The following CPQ variants were observed in gnomAD, a reference collection of about 807,000 sequenced individuals.
The protein encoded by CPQ is carboxypeptidase Q, also known as Ser-Met dipeptidase.
In CPQ, 37 loss-of-function variants were observed where a neutral mutation model predicts 45.7. The ratio of observed to expected loss-of-function variants is 0.81; its 90% confidence interval spans 0.62 to 1.07. The LOEUF is 1.07. CPQ is among the 50% of genes least tolerant of loss of function. The pLI is 0.00. For missense variants in CPQ, 537 were observed against 572.9 expected (o/e 0.94, Z 0.64); for synonymous variants, 186 against 205.8 (o/e 0.90, Z 0.82).
chr8:96,827,526 T>C (rs1811395837), intron 2 of CPQ, among the ~76,000 whole-genome samples: 1 of 152,146 alleles, frequency 6.6e-6, no homozygotes, highest in Admixed American at 6.6e-5. Context: ...GTTTTATTCC[T>C]GGTAATTTGG....
chr8:96,891,817 C>T (rs1812381159), intron 4 of CPQ, among the ~76,000 whole-genome samples: 1 of 152,164 alleles, frequency 6.6e-6, no homozygotes, highest in South Asian at 2.1e-4. Context: ...GTAAGTGCCA[C>T]AGTATGGCAG....
At chr8:96,897,430 G>A (rs1049599894) in intron 4 of CPQ, among the ~76,000 whole-genome samples, 3 of 152,060 alleles carry the variant, frequency 2.0e-5, no homozygotes, top group Admixed American at 6.6e-5. Flanking sequence ...AGAAGAACAC[G>A]TGTTGAGCCC....
chr8:96,862,284 T>TTG (rs34611818), intron 3 of CPQ, among the ~76,000 whole-genome samples: 9,371 of 141,112 alleles, frequency 0.066, 301 homozygotes, highest in South Asian at 0.089. Flanking sequence ...ATTTTTGCAT[T>TTG]TGTGTGTGTG....
chr8:96,949,034 G>A (rs1813226760), intron 4 of CPQ, among the ~76,000 whole-genome samples: 2 of 151,988 alleles, frequency 1.3e-5, no homozygotes, highest in Non-Finnish European at 2.9e-5. Flanking sequence ...GTCTCACTAA[G>A]TCTAAAGTGA....
intron 6 of CPQ, among the ~76,000 whole-genome samples, chr8:97,032,187 CA>C (rs1809918541): frequency 6.6e-6 from 1 of 152,162 alleles, no homozygotes; most frequent in African/African-American, 2.4e-5. Context: ...AATAATAGGT[CA>C]AATTTCAATG....
chr8:96,972,481 C>T lies in CPQ; in HGVS notation c.961+6435C>T, dbSNP rs529116237. On this transcript the variant is annotated intron_variant, in intron 5 of 7. Coordinates refer to ENST00000220763, the MANE Select transcript of CPQ (RefSeq NM_016134.4). ...TTGGGAGCTCTATGGCCCTACCTAT[C>T]ACCTGAGAAACCACTTAACCAAGTG... Among the ~76,000 whole-genome samples the T allele has an allele frequency of 9.9e-5, 15 of 152,274 alleles. No homozygotes were observed. The South Asian group carries it at 2.9e-3, about 29-fold the overall frequency.
At chr8:96,814,530 T>A (rs1157212237) in intron 2 of CPQ, among the ~76,000 whole-genome samples, 2 of 152,204 alleles carry the variant, frequency 1.3e-5, no homozygotes, top group Non-Finnish European at 2.9e-5. Flanking sequence ...AGAGCTAATA[T>A]ATGAAATATA....
At chr8:96,945,538 C>T (rs1429281132) in intron 4 of CPQ, among the ~76,000 whole-genome samples, 2 of 152,080 alleles carry the variant, frequency 1.3e-5, no homozygotes, top group African/African-American at 2.4e-5. Context: ...CAAAGCACTC[C>T]ATGCCATACA....
At chr8:97,080,229 T>C (rs1810921124) in intron 7 of CPQ, among the ~76,000 whole-genome samples, 1 of 152,204 alleles carries the variant, frequency 6.6e-6, no homozygotes, top group African/African-American at 2.4e-5. Context: ...TAGCATTGCA[T>C]TGCGATTGGC....
intron 1 of CPQ, among the ~76,000 whole-genome samples, chr8:96,730,600 C>A (rs887301648): frequency 6.6e-6 from 1 of 151,820 alleles, no homozygotes; most frequent in African/African-American, 2.4e-5. Context: ...CCTATAAAAT[C>A]TTTTATGATC....
intron 6 of CPQ, among the ~76,000 whole-genome samples, chr8:97,061,415 AG>A (rs1018634554): frequency 1.3e-5 from 2 of 152,122 alleles, no homozygotes; most frequent in African/African-American, 4.8e-5. Flanking sequence ...ATTAAAAGTG[AG>A]GACTTGTGGC....
At chr8:97,125,183 T>C (rs1048915797) in intron 7 of CPQ, among the ~76,000 whole-genome samples, 1 of 152,086 alleles carries the variant, frequency 6.6e-6, no homozygotes, top group African/African-American at 2.4e-5. Flanking sequence ...AAATTGCTAA[T>C]ACTGATTCAA....
At chr8:97,113,199 A>G (rs866357181) in intron 7 of CPQ, among the ~76,000 whole-genome samples, 1 of 152,154 alleles carries the variant, frequency 6.6e-6, no homozygotes, top group Non-Finnish European at 1.5e-5. Context: ...CAGATGATCA[A>G]GCAGGTCCAG....
intron 2 of CPQ, among the ~76,000 whole-genome samples, chr8:96,793,081 G>T (rs1810871571): frequency 1.3e-5 from 2 of 151,960 alleles, no homozygotes; most frequent in Non-Finnish European, 2.9e-5. Flanking sequence ...TAAGATTTGG[G>T]TGGGACACAG....
intron 7 of CPQ, among the ~76,000 whole-genome samples, chr8:97,103,616 G>T (rs1370602315): frequency 6.6e-6 from 1 of 152,160 alleles, no homozygotes; most frequent in African/African-American, 2.4e-5. Flanking sequence ...TGATTGCATT[G>T]GGTGCATTCC....
intron 7 of CPQ, among the ~76,000 whole-genome samples, chr8:97,123,232 AAAAT>A (rs1489075797): frequency 4.7e-4 from 68 of 144,460 alleles, no homozygotes; most frequent in African/African-American, 1.0e-3. Flanking sequence ...AAAATAAAAT[AAAAT>A]AAATAAAATA....
chr8:96,656,468 G>A (rs564914662), intron 1 of CPQ, among the ~76,000 whole-genome samples: 2 of 152,270 alleles, frequency 1.3e-5, no homozygotes, highest in African/African-American at 4.8e-5. Flanking sequence ...TGGACTCTGA[G>A]TTTAGGTGGA....
chr8:96,859,061 A>G (rs962102746), intron 3 of CPQ, among the ~76,000 whole-genome samples: 2 of 152,164 alleles, frequency 1.3e-5, no homozygotes, highest in South Asian at 4.1e-4. Flanking sequence ...AATGCCAGGC[A>G]TTGTTTTAAA....
At chr8:96,809,579 C>T (rs1452700487) in intron 2 of CPQ, among the ~76,000 whole-genome samples, 1 of 151,906 alleles carries the variant, frequency 6.6e-6, no homozygotes, top group Non-Finnish European at 1.5e-5. Context: ...TTTTCAGGGG[C>T]CGGGGTCAGG....
Sources: gnomAD v4.1 joint callset for allele counts (sites outside exome capture counted in the v4.1 genomes callset) on GRCh38, gnomAD v4.1.1 for gene constraint, MANE v1.5 for transcripts, NCBI Gene and HGNC (gene_info 2026-07-23, HGNC 2026-07-21) for gene names.